KLF8: variants seen among roughly 807,000 people sequenced by gnomAD.
The protein encoded by KLF8 is Krueppel-like factor 8.
KLF8 carries 10 observed loss-of-function variants against 18.2 expected under a neutral mutation model. That is an observed-to-expected ratio of 0.55 (90% CI 0.34 to 0.93). The LOEUF (loss-of-function observed/expected upper bound fraction) is 0.93, where lower values mean the gene tolerates loss of function less well. KLF8 is among the 40% of genes least tolerant of loss of function. The probability of loss-of-function intolerance (pLI) is 0.02; values close to 1 mark genes in which losing one functional copy is unlikely to be tolerated. For missense variants in KLF8, 264 were observed against 277.9 expected (o/e 0.95, Z 0.36); for synonymous variants, 109 against 97.3 (o/e 1.12, Z -0.71).
intron 5 of KLF8, among the ~76,000 whole-genome samples, chrX:56,275,787 G>A (rs1351698365): frequency 5.3e-5 from 6 of 112,557 alleles, no homozygotes; most frequent in African/African-American, 3.2e-5. Context: ...TTGATATGAT[G>A]TATCACATTA....
the KLF8 span, among the ~76,000 whole-genome samples, chrX:56,158,071 G>A: frequency 9.0e-6 from 1 of 111,708 alleles, no homozygotes; most frequent in Non-Finnish European, 1.9e-5. Context: ...TTTGTATAAG[G>A]TGTAAGGAAG....
the KLF8 span, among the ~76,000 whole-genome samples, chrX:55,978,580 A>C: frequency 9.0e-6 from 1 of 111,678 alleles, no homozygotes; most frequent in Non-Finnish European, 1.9e-5. Context: ...ACCAGTTTGA[A>C]ATTTTTGAGC....
At chrX:56,032,235 G>A in the KLF8 span, among the ~76,000 whole-genome samples, 1 of 111,667 alleles carries the variant, frequency 9.0e-6, no homozygotes, top group African/African-American at 3.3e-5. Context: ...GCCTCCCAAA[G>A]TGCTGGTGAT....
At chrX:56,038,132 C>T in the KLF8 span, among the ~76,000 whole-genome samples, 6 of 112,296 alleles carry the variant, frequency 5.3e-5, no homozygotes, top group Admixed American at 5.7e-4. Context: ...ATTTTCAGTT[C>T]TAACCATGTT....
chrX:56,182,067 G>A, the KLF8 span, among the ~76,000 whole-genome samples: 5 of 111,725 alleles, frequency 4.5e-5, no homozygotes, highest in East Asian at 1.4e-3. Context: ...TTCCAACTTG[G>A]TTCCATTCTC....
the KLF8 span, among the ~76,000 whole-genome samples, chrX:56,026,505 A>G: frequency 9.0e-6 from 1 of 111,681 alleles, no homozygotes; most frequent in East Asian, 2.8e-4. Context: ...CCTAATTTTA[A>G]ACAATACCAT....
At chrX:55,923,589 G>A in the KLF8 span, among the ~76,000 whole-genome samples, 1 of 111,154 alleles carries the variant, frequency 9.0e-6, no homozygotes, top group African/African-American at 3.3e-5. Context: ...AGCCCAGACT[G>A]GCAGTGTTTC....
chrX:56,114,665 C>A, the KLF8 span, among the ~76,000 whole-genome samples: 955 of 112,539 alleles, frequency 8.5e-3, 9 homozygotes, highest in African/African-American at 0.029. Context: ...CAAATAACTT[C>A]CTTGTTCTTT....
the KLF8 span, among the ~76,000 whole-genome samples, chrX:56,128,092 G>A: frequency 1.1e-4 from 12 of 111,677 alleles, no homozygotes; most frequent in Non-Finnish European, 7.5e-5. Context: ...AAGGGTGGTG[G>A]TAAGAGTGGT....
the KLF8 span, among the ~76,000 whole-genome samples, chrX:56,203,679 G>A: frequency 8.9e-6 from 1 of 112,046 alleles, no homozygotes; most frequent in Non-Finnish European, 1.9e-5. Context: ...TTATTGAAGA[G>A]ATGGTCCATT....
the KLF8 span, among the ~76,000 whole-genome samples, chrX:56,007,136 C>T: frequency 8.9e-6 from 1 of 112,311 alleles, no homozygotes; most frequent in African/African-American, 3.2e-5. Context: ...CAGAGGCAGC[C>T]TATCCAGTGC....
At chrX:56,255,454 AAC>A (rs1367772678) in intron 2 of KLF8, among the ~76,000 whole-genome samples, 3 of 112,421 alleles carry the variant, frequency 2.7e-5, no homozygotes, top group Non-Finnish European at 3.8e-5. Flanking sequence ...TATGTGGAAT[AAC>A]AGTGTTGACA....
intron 2 of KLF8, among the ~76,000 whole-genome samples, chrX:56,261,794 A>G (rs2066886105): frequency 8.9e-6 from 1 of 111,879 alleles, no homozygotes; most frequent in Non-Finnish European, 1.9e-5. Context: ...TATTGAAAAA[A>G]GAATCCTCAG....
At chrX:56,014,817 GTTTTTT>G in the KLF8 span, 6 of 59,370 alleles carry the variant, frequency 1.0e-4, no homozygotes, top group Admixed American at 1.0e-3. Flanking sequence ...ACAAGATCAT[GTTTTTT>G]TTTTTTTTTT....
At chrX:55,974,039 A>G in the KLF8 span, among the ~76,000 whole-genome samples, 18 of 112,091 alleles carry the variant, frequency 1.6e-4, no homozygotes, top group African/African-American at 3.9e-4. Context: ...AGCAACATGG[A>G]TGCAGCTGGA....
the KLF8 span, among the ~76,000 whole-genome samples, chrX:56,002,556 A>G: frequency 3.6e-5 from 4 of 111,146 alleles, no homozygotes; most frequent in Admixed American, 2.9e-4. Context: ...CTAGCACATG[A>G]TTGACACTCA....
At chrX:55,938,419 C>T in the KLF8 span, among the ~76,000 whole-genome samples, 1 of 111,841 alleles carries the variant, frequency 8.9e-6, no homozygotes, top group South Asian at 3.8e-4. Flanking sequence ...ACTGCAAAAA[C>T]ATGCCAAATT....
At chrX:56,076,963 C>A in the KLF8 span, among the ~76,000 whole-genome samples, 10 of 111,507 alleles carry the variant, frequency 9.0e-5, no homozygotes, top group Non-Finnish European at 1.9e-4. Flanking sequence ...CTGTTCATGT[C>A]CTTTGCCCAC....
At chrX:56,140,893 A>G in the KLF8 span, among the ~76,000 whole-genome samples, 1 of 110,812 alleles carries the variant, frequency 9.0e-6, no homozygotes, top group African/African-American at 3.3e-5. Context: ...TTGCCAACAC[A>G]GGGTATTATC....
Sources: gnomAD v4.1 joint callset for allele counts (sites outside exome capture counted in the v4.1 genomes callset) on GRCh38, gnomAD v4.1.1 for gene constraint, MANE v1.5 for transcripts, NCBI Gene and HGNC (gene_info 2026-07-23, HGNC 2026-07-21) for gene names.